CPSF2: variants seen among roughly 807,000 people sequenced by gnomAD.
The protein encoded by CPSF2 is cleavage and polyadenylation specificity factor subunit 2.
A neutral mutation model predicts 84.2 loss-of-function variants in CPSF2; 51 were observed. The ratio of observed to expected loss-of-function variants is 0.61; its 90% confidence interval spans 0.48 to 0.77. The LOEUF is 0.77. CPSF2 is among the 30% of genes least tolerant of loss of function. The pLI is 0.00. For missense variants in CPSF2, 641 were observed against 929.4 expected, an observed-to-expected ratio of 0.69 and a Z score of 4.03; for synonymous variants, 286 against 311.9, an observed-to-expected ratio of 0.92 and a Z score of 0.87.
At position 92,134,160 on chromosome 14, in the gene CPSF2, A is replaced by C; in HGVS notation, c.299A>C (p.Asp100Ala). ...VYKMGQMFMY[D>A]LYQSRHNTED... is the part of the protein sequence containing the mutation. ...AAAATGGGACAGATGTTCATGTATG[A>C]TCTTTATCAGGTAATTTAAGCAATT... The change falls in exon 4 of 16, where the codon GAT becomes GCT. Residue 100 changes from aspartate (D) to alanine (A), a missense_variant. Asp to Ala is a moderately radical substitution (Grantham distance 126, BLOSUM62 -2). Around this residue, in one of 2 missense-constraint regions of CPSF2, gnomAD observed 211 missense variants for 375.7 expected, o/e 0.56. Coordinates refer to ENST00000298875, the MANE Select transcript of CPSF2 (RefSeq NM_017437.3). 1 of 1,614,072 alleles carries C rather than the reference A, an allele frequency of 6.2e-7. No homozygotes were observed. Among genetic ancestry groups the C allele is most frequent in the Non-Finnish European group, 8.5e-7 (1 of 1,179,960 alleles).
rs1413660645 is a variant in CPSF2, at chr14:92,168,234, C to T, written c.*6490C>T. 1.6e-5 allele frequency: 2 copies of T among 121,990 alleles called. No individual in the cohort carries two copies. Among genetic ancestry groups the T allele is most frequent in the African/African-American group, 6.4e-5 (2 of 31,242 alleles). The allele number at this position is 121,990 out of a possible 1,614,324, so 7.6% of individuals were successfully genotyped here. On this transcript the variant is annotated 3_prime_UTR_variant, in exon 16 of 16. Coordinates refer to ENST00000298875, the MANE Select transcript of CPSF2 (RefSeq NM_017437.3). The stretch of plus-strand genomic sequence containing the variant: ...CTGTACTCCATCTTGGGCGACAGAG[C>T]GCAACTCTGTCTCCAAAAAAAAAAA...
In CPSF2 at chr14:92,157,891, A is replaced by G. The variant is rs1211312899; in HGVS notation, c.1821+7A>G. The G allele has an allele frequency of 1.3e-6, 2 of 1,595,680 alleles. No homozygotes were observed. The highest frequency in any genetic ancestry group is 2.7e-5 in the African/African-American group (2 of 74,712). ...TGAAACTCACATCTACCAGGTAAAC[A>G]TGCCAGGAGTTGCCATTGAGTAGAA... is the stretch of plus-strand genomic sequence containing the variant. On this transcript the variant is annotated splice_region_variant and intron_variant, in intron 13 of 15. Transcript: ENST00000298875. This position sits in a 1 kb window ranked among gnomAD's most constrained non-coding sequence, Gnocchi z 4.0.
intron 8 of CPSF2, 77 bp downstream of exon 8, chr14:92,142,428 T>C: frequency 8.6e-7 from 1 of 1,163,746 alleles, no homozygotes; most frequent in South Asian, 1.8e-5. Context: ...TTAAATGTTT[T>C]TTGGATTTTA....
intron 9 of CPSF2, among the ~76,000 whole-genome samples, chr14:92,148,689 G>A (rs1053956185): frequency 2.7e-5 from 4 of 148,800 alleles, no homozygotes; most frequent in African/African-American, 9.9e-5. Flanking sequence ...GCATGTGGCT[G>A]TAGTCCCAGC....
intron 1 of CPSF2, among the ~76,000 whole-genome samples, chr14:92,125,267 G>C (rs897061646): frequency 1.3e-5 from 2 of 152,132 alleles, no homozygotes; most frequent in Non-Finnish European, 2.9e-5. Flanking sequence ...TGTGCAAAGC[G>C]TTCCTGAGGG....
At chr14:92,132,339 T>G (rs1258380712) in intron 3 of CPSF2, among the ~76,000 whole-genome samples, 1 of 151,892 alleles carries the variant, frequency 6.6e-6, no homozygotes, top group East Asian at 2.0e-4. Flanking sequence ...TTCACCATAT[T>G]AGCCAGACTG....
intron 9 of CPSF2, among the ~76,000 whole-genome samples, chr14:92,150,706 G>C (rs1595062819): frequency 6.6e-6 from 1 of 152,288 alleles, no homozygotes; most frequent in South Asian, 2.1e-4. Flanking sequence ...TTACAGGCAT[G>C]AATCACTGTG....
chr14:92,137,706 T>A (rs1427780626), intron 6 of CPSF2, among the ~76,000 whole-genome samples: 1 of 152,210 alleles, frequency 6.6e-6, no homozygotes, highest in African/African-American at 2.4e-5. Flanking sequence ...TAAAAAATGT[T>A]CTTTGGAAGA....
chr14:92,165,492 A>G lies in CPSF2; in HGVS notation c.*3748A>G, dbSNP rs2069432215. ...CATAGTGTGGGTGAAGAAGTGTCTC[A>G]CTGAGGTTTTGATTTGCATTTCCTT... is the stretch of plus-strand genomic sequence containing the variant. On this transcript the variant is annotated 3_prime_UTR_variant, in exon 16 of 16. Transcript: ENST00000298875. 6.6e-6 allele frequency: 1 copy of G among 152,048 alleles called. No homozygotes were observed. The highest frequency in any genetic ancestry group is 1.5e-5 in the Non-Finnish European group (1 of 67,998). 9.4% of individuals were successfully genotyped at this position (152,048 alleles called of 1,614,324 possible).
intron 7 of CPSF2, among the ~76,000 whole-genome samples, chr14:92,140,405 G>A (rs2069060743): frequency 6.6e-6 from 1 of 150,646 alleles, no homozygotes; most frequent in African/African-American, 2.4e-5. Context: ...TTCAAGACCA[G>A]CCTGGGTAAC....
At position 92,155,285 on chromosome 14, in the gene CPSF2, A is replaced by G. The variant is rs1204935354; in HGVS notation, c.1404A>G (p.Glu468=). 6.2e-7 allele frequency: 1 copy of G among 1,614,140 alleles called. No individual in the cohort carries two copies. The highest frequency in any genetic ancestry group is 1.1e-5 in the South Asian group (1 of 91,090). ...KKSYPMFPAP[E]ERIKWDEYGE... is the part of the protein sequence containing the mutation. ...CCTATCCTATGTTTCCTGCCCCAGA[A>G]GAAAGAATTAAATGGGATGAATATG... The change falls in exon 11 of 16, where the codon GAA becomes GAG. Residue 468 remains glutamate, a synonymous_variant. Coordinates refer to ENST00000298875, the MANE Select transcript of CPSF2 (RefSeq NM_017437.3).
chr14:92,141,543 G>T (rs147653226), intron 7 of CPSF2, among the ~76,000 whole-genome samples: 1 of 152,166 alleles, frequency 6.6e-6, no homozygotes, highest in Admixed American at 6.5e-5. Context: ...GTCCAGGCTG[G>T]TCTTGAACTC....
intron 6 of CPSF2, among the ~76,000 whole-genome samples, chr14:92,135,722 C>T (rs1004775812): frequency 5.4e-4 from 82 of 152,320 alleles, no homozygotes; most frequent in African/African-American, 1.9e-3. Context: ...ATACACTCTA[C>T]AAAACGGGTA....
At chr14:92,130,100 A>G (rs1192677138) in intron 2 of CPSF2, among the ~76,000 whole-genome samples, 4 of 152,130 alleles carry the variant, frequency 2.6e-5, no homozygotes, top group Admixed American at 6.5e-5. Flanking sequence ...AGGCATCCCA[A>G]TTTGCATTTC....
intron 2 of CPSF2, among the ~76,000 whole-genome samples, chr14:92,127,822 TG>T (rs773929327): frequency 6.6e-6 from 1 of 152,198 alleles, no homozygotes; most frequent in Admixed American, 6.5e-5. Context: ...GACCCAACAG[TG>T]TACATGCAGA....
chr14:92,161,247 G>A lies in CPSF2; in HGVS notation c.2256+1G>A, dbSNP rs1420714995. 6.2e-7 allele frequency: 1 copy of A among 1,607,418 alleles called. No homozygotes were observed. Among genetic ancestry groups the A allele is most frequent in the Admixed American group, 1.7e-5 (1 of 57,862 alleles). ...CAACAATCAAGTAGCAGTCCGCAGAGTAAGTGTGTTTTCAATAAGGGCTGA... is the reference window on the plus strand; with the variant it reads ...CAACAATCAAGTAGCAGTCCGCAGAATAAGTGTGTTTTCAATAAGGGCTGA... On this transcript the variant is annotated splice_donor_variant, in intron 15 of 15. Transcript: ENST00000298875. LOFTEE classifies it high-confidence loss of function.
At chr14:92,160,243 G>A (rs1180503972) in intron 14 of CPSF2, among the ~76,000 whole-genome samples, 5 of 152,318 alleles carry the variant, frequency 3.3e-5, no homozygotes, top group East Asian at 1.9e-4. Flanking sequence ...GATTACAGGC[G>A]TGAGCCAATG....
intron 6 of CPSF2, among the ~76,000 whole-genome samples, chr14:92,136,902 G>A (rs1290715360): frequency 3.3e-5 from 5 of 152,030 alleles, no homozygotes; most frequent in African/African-American, 1.2e-4. Flanking sequence ...AGCAATATTG[G>A]TGAGTCTGAT....
intron 6 of CPSF2, among the ~76,000 whole-genome samples, chr14:92,136,124 C>T (rs989289847): frequency 6.6e-6 from 1 of 152,206 alleles, no homozygotes; most frequent in African/African-American, 2.4e-5. Context: ...TTACACACTT[C>T]ATGTGGCACT....
Sources: gnomAD v4.1 joint callset for allele counts (sites outside exome capture counted in the v4.1 genomes callset) on GRCh38, gnomAD v4.1.1 for gene constraint, gnomAD v4.1.1 regional missense constraint, Gnocchi (gnomAD v3.1) non-coding constraint, MANE v1.5 for transcripts, NCBI Gene and HGNC (gene_info 2026-07-23, HGNC 2026-07-21) for gene names.